The following DNAH11 variants were observed in gnomAD, a reference collection of about 807,000 sequenced individuals.
DNAH11 encodes the protein dynein axonemal heavy chain 11.
A neutral mutation model predicts 526.0 loss-of-function variants in DNAH11; 442 were observed. That is an observed-to-expected ratio of 0.84 (90% CI 0.78 to 0.91). The LOEUF (loss-of-function observed/expected upper bound fraction) is 0.91. Ranked by LOEUF, DNAH11 falls within the 40% of genes least tolerant of loss-of-function variation. DNAH11 has a pLI of 0.00. For synonymous variants in DNAH11, 2,461 were observed against 1,935.9 expected (o/e 1.27, Z -7.12); for missense variants, 6,989 against 5,448.7 (o/e 1.28, Z -8.90).
chr7:21,798,123 G>A (rs1168748773), intron 61 of DNAH11, among the ~76,000 whole-genome samples: 2 of 152,190 alleles, frequency 1.3e-5, no homozygotes, highest in African/African-American at 4.8e-5. Context: ...ATTTGAGACA[G>A]TGTCATTCCG....
At chr7:21,793,938 A>G (rs1444922313) in intron 61 of DNAH11, among the ~76,000 whole-genome samples, 3 of 152,074 alleles carry the variant, frequency 2.0e-5, no homozygotes, top group African/African-American at 4.8e-5. Flanking sequence ...TTCTCTGTAG[A>G]CATTTGTTTG....
At chr7:21,900,428 C>CA in intron 81 of DNAH11, among the ~76,000 whole-genome samples, 1 of 151,434 alleles carries the variant, frequency 6.6e-6, no homozygotes, top group Non-Finnish European at 1.5e-5. Context: ...ATAATCATTT[C>CA]AAAATCTTTC....
At chr7:21,647,876 C>G (rs1284513558) in intron 28 of DNAH11, among the ~76,000 whole-genome samples, 1 of 152,106 alleles carries the variant, frequency 6.6e-6, no homozygotes, top group Admixed American at 6.6e-5. Flanking sequence ...GATTTCATCA[C>G]CACCAGACTG....
At chr7:21,629,785 TCTTTCA>T (rs924571628) in intron 25 of DNAH11, among the ~76,000 whole-genome samples, 48 of 152,216 alleles carry the variant, frequency 3.2e-4, no homozygotes, top group African/African-American at 1.1e-3. Flanking sequence ...CATTTTCCAC[TCTTTCA>T]CTTTCAGTCT....
chr7:21,744,431 C>A lies in DNAH11; in HGVS notation c.8155-7C>A. ...TTAAAGGTATTTTCCCCATTCTTGC[C>A]TTGTAGGGGATTTTATTTGCTTCTC... is the stretch of plus-strand genomic sequence containing the variant. On this transcript the variant is annotated splice_region_variant and splice_polypyrimidine_tract_variant and intron_variant, in intron 49 of 81. Coordinates refer to ENST00000409508, the MANE Select transcript of DNAH11 (RefSeq NM_001277115.2). 1 of 1,612,564 alleles carries A rather than the reference C, an allele frequency of 6.2e-7. No individual in the cohort carries two copies. Among genetic ancestry groups the A allele is most frequent in the South Asian group, 1.1e-5 (1 of 90,628 alleles).
rs374911739 is a variant in DNAH11 at position 21,693,930 on chromosome 7, A to C, written c.6041+3049A>C. Among the ~76,000 whole-genome samples, 28 of 152,324 alleles carry C rather than the reference A, an allele frequency of 1.8e-4. No homozygotes were observed. In the East Asian group the frequency reaches 4.5e-3, roughly 24 times the overall value. On this transcript the variant is annotated intron_variant, in intron 35 of 81. Transcript: ENST00000409508. Reference sequence around the variant, plus strand: ...TAAGGGGAAGCAAGCATGTCTTACAAGGTGGACCAGGAGAGAGAACACGCG... The same window carrying C: ...TAAGGGGAAGCAAGCATGTCTTACACGGTGGACCAGGAGAGAGAACACGCG...
rs1785078936 is a variant in DNAH11 at position 21,601,384 on chromosome 7, T to C, written c.3426-12T>C. The C allele has an allele frequency of 3.1e-6, 5 of 1,602,282 alleles. No individual in the cohort carries two copies. The highest frequency in any genetic ancestry group is 2.2e-5 in the East Asian group (1 of 44,704). Reference sequence around the variant, plus strand: ...TAATTTGTGTGTATCTATGTACATATATATTTAATAGTCTGAATGAGCTAC... The same window carrying C: ...TAATTTGTGTGTATCTATGTACATACATATTTAATAGTCTGAATGAGCTAC... On this transcript the variant is annotated splice_polypyrimidine_tract_variant and intron_variant, in intron 17 of 81. Coordinates refer to ENST00000409508, the MANE Select transcript of DNAH11 (RefSeq NM_001277115.2).
intron 29 of DNAH11, among the ~76,000 whole-genome samples, chr7:21,656,592 G>A (rs1583568267): frequency 1.3e-5 from 2 of 152,082 alleles, no homozygotes; most frequent in South Asian, 4.1e-4. Context: ...TTCTGAAAGC[G>A]TTTCTGGTGT....
intron 49 of DNAH11, 150 bp from the exon 50 acceptor site, chr7:21,744,288 C>T: frequency 2.2e-6 from 2 of 912,142 alleles, no homozygotes; most frequent in Non-Finnish European, 3.3e-6. Context: ...AAGAGTAAAC[C>T]TACTTTTATA....
At chr7:21,770,542 C>T (rs1208832465) in intron 55 of DNAH11, among the ~76,000 whole-genome samples, 2 of 152,102 alleles carry the variant, frequency 1.3e-5, no homozygotes, top group Non-Finnish European at 2.9e-5. Context: ...CTCTCATCAC[C>T]AGCCTCATGA....
chr7:21,753,271 T>G (rs1408991779), intron 54 of DNAH11, among the ~76,000 whole-genome samples: 1 of 152,128 alleles, frequency 6.6e-6, no homozygotes, highest in African/African-American at 2.4e-5. Flanking sequence ...CCAGGAAACC[T>G]AAGCTCCTCC....
chr7:21,888,559 G>A (rs1183759417), intron 76 of DNAH11, among the ~76,000 whole-genome samples: 1 of 151,242 alleles, frequency 6.6e-6, no homozygotes, highest in Non-Finnish European at 1.5e-5. Context: ...GTGTGATCTC[G>A]GCTCACTGCA....
intron 55 of DNAH11, among the ~76,000 whole-genome samples, chr7:21,772,868 T>C (rs1247659666): frequency 6.6e-6 from 1 of 152,172 alleles, no homozygotes; most frequent in Non-Finnish European, 1.5e-5. Flanking sequence ...CTTGTAATAT[T>C]AATGGTGCAG....
intron 65 of DNAH11, among the ~76,000 whole-genome samples, chr7:21,834,403 A>G (rs977962934): frequency 2.6e-5 from 4 of 152,152 alleles, no homozygotes; most frequent in Non-Finnish European, 5.9e-5. Flanking sequence ...ATCTCAAACT[A>G]CCCATGGTTA....
intron 18 of DNAH11, among the ~76,000 whole-genome samples, chr7:21,604,684 A>G (rs140457504): frequency 6.6e-6 from 1 of 152,210 alleles, no homozygotes; most frequent in African/African-American, 2.4e-5. Context: ...AAGAAAATTT[A>G]TTTTTACCAA....
At chr7:21,704,369 C>A in intron 37 of DNAH11, 65 bp from the exon 38 acceptor site, 1 of 1,470,326 alleles carries the variant, frequency 6.8e-7, no homozygotes. Context: ...TAACAAACAT[C>A]TTTAGTTTTT....
intron 6 of DNAH11, among the ~76,000 whole-genome samples, chr7:21,565,239 C>T (rs749300278): frequency 1.3e-5 from 2 of 151,854 alleles, no homozygotes; most frequent in Admixed American, 6.6e-5. Flanking sequence ...TGCCTTCTCA[C>T]TGTGTCCTCA....
At chr7:21,722,676 G>A (rs1784925698) in intron 44 of DNAH11, among the ~76,000 whole-genome samples, 1 of 152,028 alleles carries the variant, frequency 6.6e-6, no homozygotes, top group African/African-American at 2.4e-5. Flanking sequence ...CTAAAGATTA[G>A]CAGCCAATAC....
intron 36 of DNAH11, among the ~76,000 whole-genome samples, chr7:21,700,241 A>G (rs535620341): frequency 1.6e-4 from 24 of 152,186 alleles, no homozygotes; most frequent in Non-Finnish European, 3.5e-4. Context: ...GGTAGAACAA[A>G]GAAGGAAAGA....
Sources: gnomAD v4.1 joint callset for allele counts (sites outside exome capture counted in the v4.1 genomes callset) on GRCh38, gnomAD v4.1.1 for gene constraint, MANE v1.5 for transcripts, NCBI Gene and HGNC (gene_info 2026-07-23, HGNC 2026-07-21) for gene names.